The following GRIK4 variants were observed in gnomAD, a reference collection of about 807,000 sequenced individuals.
The protein encoded by GRIK4 is glutamate receptor ionotropic, kainate 4.
A neutral mutation model predicts 104.9 loss-of-function variants in GRIK4; 40 were observed. That is an observed-to-expected ratio of 0.38 (90% CI 0.30 to 0.50). The LOEUF (loss-of-function observed/expected upper bound fraction) is 0.50. Ranked by LOEUF, GRIK4 falls within the 20% of genes least tolerant of loss-of-function variation. The pLI, the probability that GRIK4 is intolerant of heterozygous loss-of-function variation, is 0.93. For missense variants in GRIK4, 1,047 were observed against 1,308.1 expected (o/e 0.80, Z 3.08); for synonymous variants, 485 against 524.9 (o/e 0.92, Z 1.04).
chr11:120,649,306 GAA>G (rs369481404), intron 1 of GRIK4, among the ~76,000 whole-genome samples: 1 of 144,118 alleles, frequency 6.9e-6, no homozygotes, highest in African/African-American at 2.5e-5. Context: ...TAAGACTGAA[GAA>G]AAAAAAAAAG....
Position 120,967,109 on chromosome 11 carries a change from CAGG to C in GRIK4, c.2267-82_2267-80del. On this transcript the variant is annotated intron_variant, in intron 18 of 20. Transcript: ENST00000527524. This position sits in a 1 kb window ranked among gnomAD's most constrained non-coding sequence, Gnocchi z 4.2. ...TCGAGGTGAAAGCAGGCAGGGTGGC[CAGG>C]AGGTGTGCCGGGAAGGGGAGCAGAG... The C allele has an allele frequency of 6.8e-7, 1 of 1,462,402 alleles. No homozygotes were observed. Among genetic ancestry groups the C allele is most frequent in the Non-Finnish European group, 9.3e-7 (1 of 1,073,166 alleles). The allele number at this position is 1,462,402 out of a possible 1,614,324, so 90.6% of individuals were successfully genotyped here.
chr11:120,791,706 T>C (rs1952397633), intron 3 of GRIK4, among the ~76,000 whole-genome samples: 1 of 152,232 alleles, frequency 6.6e-6, no homozygotes. Context: ...CTAGTAGTTT[T>C]ATAGTTTTAG....
chr11:120,623,539 C>G (rs956735243), intron 1 of GRIK4, among the ~76,000 whole-genome samples: 2 of 152,192 alleles, frequency 1.3e-5, no homozygotes, highest in African/African-American at 4.8e-5. Context: ...AGGAATTCCT[C>G]CAAGTCACCC....
chr11:120,727,813 C>T (rs1591839666), intron 3 of GRIK4, among the ~76,000 whole-genome samples: 1 of 151,532 alleles, frequency 6.6e-6, no homozygotes, highest in East Asian at 1.9e-4. Flanking sequence ...GCACAAGAAC[C>T]AATAAACACT....
chr11:120,747,868 A>G lies in GRIK4; in HGVS notation c.83-54825A>G, dbSNP rs1329362593. Among the ~76,000 whole-genome samples, 5 of 152,324 alleles carry G rather than the reference A, an allele frequency of 3.3e-5. No homozygotes were observed. In the South Asian group the frequency reaches 6.2e-4, roughly 19 times the overall value. ...CACACATGCAAACCTATGCACACACACACCAGTTTTCAAGCCTCACCCTCT... is the reference window on the plus strand; with the variant it reads ...CACACATGCAAACCTATGCACACACGCACCAGTTTTCAAGCCTCACCCTCT... On this transcript the variant is annotated intron_variant, in intron 3 of 20. Coordinates refer to ENST00000527524, the MANE Select transcript of GRIK4 (RefSeq NM_014619.5).
chr11:120,713,759 C>T (rs776157426), intron 3 of GRIK4, among the ~76,000 whole-genome samples: 1 of 152,146 alleles, frequency 6.6e-6, no homozygotes, highest in African/African-American at 2.4e-5. Flanking sequence ...AGATGTACAA[C>T]ATGAATATTC....
intron 11 of GRIK4, among the ~76,000 whole-genome samples, chr11:120,891,338 T>C (rs900122600): frequency 6.6e-6 from 1 of 152,204 alleles, no homozygotes; most frequent in Non-Finnish European, 1.5e-5. Flanking sequence ...CTATGCCCGT[T>C]CCCATCGCTG....
chr11:120,901,743 G>A (rs964499529), intron 12 of GRIK4, among the ~76,000 whole-genome samples: 20 of 152,282 alleles, frequency 1.3e-4, no homozygotes, highest in Middle Eastern at 3.4e-3. Flanking sequence ...TCTCAGAGCC[G>A]GGAATTACAC....
chr11:120,598,383 A>G (rs1948835850), intron 1 of GRIK4, among the ~76,000 whole-genome samples: 1 of 152,198 alleles, frequency 6.6e-6, no homozygotes, highest in South Asian at 2.1e-4. Flanking sequence ...TTCAACCTCC[A>G]GTGCAGAGTT....
At chr11:120,655,663 C>G (rs1352126179) in intron 2 of GRIK4, among the ~76,000 whole-genome samples, 1 of 152,190 alleles carries the variant, frequency 6.6e-6, no homozygotes, top group Non-Finnish European at 1.5e-5. Flanking sequence ...TGTGCTTGGA[C>G]AGCCGGTGGT....
At chr11:120,878,414 C>G (rs550175833) in intron 11 of GRIK4, among the ~76,000 whole-genome samples, 1 of 152,112 alleles carries the variant, frequency 6.6e-6, no homozygotes, top group Non-Finnish European at 1.5e-5. Flanking sequence ...GAAGAGTGTT[C>G]GTGAACTGCA....
At chr11:120,936,358 T>C in intron 13 of GRIK4, 1 of 470,128 alleles carries the variant, frequency 2.1e-6, no homozygotes, top group East Asian at 6.0e-5. Context: ...AAGATGAAGG[T>C]CAAAGGAGGC....
chr11:120,837,502 A>G (rs1953604079), intron 8 of GRIK4, among the ~76,000 whole-genome samples: 1 of 152,132 alleles, frequency 6.6e-6, no homozygotes, highest in Admixed American at 6.5e-5. Flanking sequence ...GGGCATCTTC[A>G]TGGTAGTCTA....
intron 4 of GRIK4, among the ~76,000 whole-genome samples, chr11:120,813,112 C>T (rs1952862701): frequency 6.6e-6 from 1 of 152,172 alleles, no homozygotes; most frequent in South Asian, 2.1e-4. Flanking sequence ...GGGACCTCCA[C>T]TGTAAGAGGC....
At position 120,819,781 on chromosome 11, in the gene GRIK4, G is replaced by A. The variant is rs763569326; in HGVS notation, c.372G>A (p.Glu124=). The part of the protein sequence containing the change: ...KEVPHFKVAP[E]EFVKFQFQRF... ...TCCCTCACTTCAAAGTGGCCCCAGA[G>A]GAGTTCGTCAAGTTCCAGTTCCAGA... The change falls in exon 6 of 21, where the codon GAG becomes GAA. Residue 124 remains glutamate (E), a synonymous_variant. Coordinates refer to ENST00000527524, the MANE Select transcript of GRIK4 (RefSeq NM_014619.5). This position sits in a 1 kb window ranked among gnomAD's most constrained non-coding sequence, Gnocchi z 4.3. 1 of 1,614,174 alleles carries A rather than the reference G, an allele frequency of 6.2e-7. No homozygotes were observed. Among genetic ancestry groups the A allele is most frequent in the South Asian group, 1.1e-5 (1 of 91,074 alleles).
intron 2 of GRIK4, among the ~76,000 whole-genome samples, chr11:120,657,814 A>G (rs1949736915): frequency 6.6e-6 from 1 of 152,162 alleles, no homozygotes; most frequent in Non-Finnish European, 1.5e-5. Context: ...GTGTCCCTGA[A>G]CAAGATTTTT....
intron 2 of GRIK4, among the ~76,000 whole-genome samples, chr11:120,656,150 G>T (rs1336366485): frequency 6.6e-6 from 1 of 152,226 alleles, no homozygotes; most frequent in Admixed American, 6.5e-5. Context: ...TAGGTCCTAA[G>T]ACTAGATTTA....
intron 3 of GRIK4, among the ~76,000 whole-genome samples, chr11:120,735,418 C>T (rs1410871053): frequency 6.6e-6 from 1 of 152,128 alleles, no homozygotes; most frequent in African/African-American, 2.4e-5. Context: ...TGCTTAGCCA[C>T]CTGGAGCTGG....
rs564738588 is a variant in GRIK4 at position 120,717,802 on chromosome 11, G to C, written c.82+57402G>C. 9.9e-5 allele frequency among the ~76,000 whole-genome samples: 15 copies of C among 152,252 alleles called. 1 individual carries two copies. Among genetic ancestry groups the C allele is most frequent in the Admixed American group, 3.9e-4 (6 of 15,302 alleles). ...CCGCCCAGCCTGGGGTGCCCTTCCA[G>C]CTCTGGGCTTTGTGGGCAGGAATGT... On this transcript the variant is annotated intron_variant, in intron 3 of 20. Coordinates refer to ENST00000527524, the MANE Select transcript of GRIK4 (RefSeq NM_014619.5).
Sources: allele counts gnomAD v4.1 joint callset (sites outside exome capture counted in the v4.1 genomes callset), GRCh38; gene constraint gnomAD v4.1.1; non-coding constraint Gnocchi (gnomAD v3.1); transcripts MANE v1.5; gene names NCBI Gene and HGNC (gene_info 2026-07-23, HGNC 2026-07-21).